Variants in PDE1A observed in about 807,000 individuals in gnomAD.
PDE1A encodes phosphodiesterase 1A, also known as dual specificity calcium/calmodulin-dependent 3',5'-cyclic nucleotide phosphodiesterase 1A.
Under a neutral mutation model 61.7 loss-of-function variants are expected in PDE1A, and 35 were observed. The observed-to-expected ratio is 0.57, with a 90% CI of 0.43 to 0.75. The LOEUF is 0.75. Among genes scored for constraint, PDE1A ranks in the 30% least tolerant of loss-of-function variants. The pLI, the probability that PDE1A is intolerant of heterozygous loss-of-function variation, is 0.00. For synonymous variants in PDE1A, 232 were observed against 213.2 expected, an observed-to-expected ratio of 1.09 and a Z score of -0.77; for missense variants, 597 against 630.6, an observed-to-expected ratio of 0.95 and a Z score of 0.57.
At chr2:182,347,912 GA>G (rs374096662) in intron 1 of PDE1A, among the ~76,000 whole-genome samples, 4 of 151,890 alleles carry the variant, frequency 2.6e-5, no homozygotes, top group African/African-American at 4.8e-5. Context: ...AAAAGTAAAA[GA>G]AAAAAATAGA....
chr2:182,294,264 A>G (rs571391227), intron 1 of PDE1A, among the ~76,000 whole-genome samples: 3 of 152,340 alleles, frequency 2.0e-5, no homozygotes, highest in African/African-American at 7.2e-5. Flanking sequence ...AACGTGATAA[A>G]TGTAAATTAA....
the PDE1A span, among the ~76,000 whole-genome samples, chr2:182,698,948 T>C: frequency 6.6e-6 from 1 of 152,208 alleles, no homozygotes; most frequent in African/African-American, 2.4e-5. Context: ...CTGAGACCTC[T>C]AGCTCCCAAG....
the PDE1A span, among the ~76,000 whole-genome samples, chr2:182,607,114 G>A: frequency 3.3e-5 from 5 of 152,178 alleles, no homozygotes; most frequent in Admixed American, 2.6e-4. Flanking sequence ...GAAGCAGGTG[G>A]TTAGTTAGGC....
chr2:182,376,094 G>C (rs1244065200), intron 1 of PDE1A, among the ~76,000 whole-genome samples: 1 of 152,190 alleles, frequency 6.6e-6, no homozygotes, highest in African/African-American at 2.4e-5. Flanking sequence ...AAAGATCTTT[G>C]ATGTGTCCTG....
chr2:182,278,070 C>A (rs999163594), intron 1 of PDE1A, among the ~76,000 whole-genome samples: 2 of 151,942 alleles, frequency 1.3e-5, no homozygotes, highest in African/African-American at 4.8e-5. Flanking sequence ...CTTGGAAGAT[C>A]AAAATTTCTT....
chr2:182,327,183 T>C (rs144868494), intron 1 of PDE1A, among the ~76,000 whole-genome samples: 73 of 152,270 alleles, frequency 4.8e-4, no homozygotes, highest in Non-Finnish European at 8.2e-4. Context: ...TGAGTAAATA[T>C]GTAATGTTAG....
At chr2:182,294,234 G>C (rs1462214968) in intron 1 of PDE1A, among the ~76,000 whole-genome samples, 1 of 152,174 alleles carries the variant, frequency 6.6e-6, no homozygotes, top group African/African-American at 2.4e-5. Context: ...TGAGGGGGGA[G>C]CTATTGTACA....
chr2:182,516,748 A>AAG (rs1690196714), intron 2 of PDE1A, among the ~76,000 whole-genome samples: 10 of 81,848 alleles, frequency 1.2e-4, no homozygotes, highest in Non-Finnish European at 1.4e-4. Context: ...AAGGAAAAAG[A>AAG]GAGAAAGAAA....
chr2:182,382,985 T>A (rs1274998832), intron 1 of PDE1A, among the ~76,000 whole-genome samples: 2 of 152,200 alleles, frequency 1.3e-5, no homozygotes, highest in African/African-American at 2.4e-5. Context: ...TTGACCAAGA[T>A]AATCATTAAC....
At chr2:182,651,585 C>G in the PDE1A span, among the ~76,000 whole-genome samples, 53 of 152,234 alleles carry the variant, frequency 3.5e-4, no homozygotes, top group Non-Finnish European at 3.2e-4. Context: ...CAAAGGAATT[C>G]TAATATCAGT....
chr2:182,146,913 G>T (rs1690525842), downstream of PDE1A: 1 of 419,456 alleles, frequency 2.4e-6, no homozygotes, highest in African/African-American at 2.0e-5. Flanking sequence ...TGTCTCAAAG[G>T]ATTGATGATA....
the PDE1A span, among the ~76,000 whole-genome samples, chr2:182,660,772 G>A: frequency 6.0e-3 from 920 of 152,274 alleles, 14 homozygotes; most frequent in African/African-American, 0.021. Context: ...CAACCTGAAC[G>A]AACTTGTAAA....
intron 1 of PDE1A, among the ~76,000 whole-genome samples, chr2:182,338,843 G>A (rs376057974): frequency 5.3e-5 from 8 of 152,080 alleles, no homozygotes; most frequent in African/African-American, 1.4e-4. Flanking sequence ...TAACCAGAAG[G>A]CAAGGGCTTG....
intron 13 of PDE1A, among the ~76,000 whole-genome samples, chr2:182,182,470 A>T (rs1161411866): frequency 6.6e-6 from 1 of 152,150 alleles, no homozygotes; most frequent in Non-Finnish European, 1.5e-5. Flanking sequence ...CTGGGTTATG[A>T]ACAACAGCCT....
At chr2:182,486,900 C>A (rs1427790347) in intron 2 of PDE1A, among the ~76,000 whole-genome samples, 2 of 152,028 alleles carry the variant, frequency 1.3e-5, no homozygotes, top group East Asian at 3.9e-4. Context: ...AAGCATAATC[C>A]ATAAGGGAAA....
At chr2:182,342,498 A>C (rs1698253559) in intron 1 of PDE1A, among the ~76,000 whole-genome samples, 1 of 152,196 alleles carries the variant, frequency 6.6e-6, no homozygotes, top group African/African-American at 2.4e-5. Context: ...CCTGGCTAAC[A>C]CGGTGAAACC....
chr2:182,229,771 T>C, intron 6 of PDE1A, among the ~76,000 whole-genome samples: 1 of 88,868 alleles, frequency 1.1e-5, no homozygotes, highest in African/African-American at 5.5e-5. Context: ...TAGTCCAAAT[T>C]TTGGGAAACT....
intron 1 of PDE1A, among the ~76,000 whole-genome samples, chr2:182,372,869 T>C (rs1158634472): frequency 6.6e-6 from 1 of 152,090 alleles, no homozygotes; most frequent in Non-Finnish European, 1.5e-5. Context: ...TTCCATTTCC[T>C]GTACAGAGGG....
chr2:182,445,122 A>T (rs1329267631), intron 2 of PDE1A, among the ~76,000 whole-genome samples: 1 of 152,166 alleles, frequency 6.6e-6, no homozygotes, highest in African/African-American at 2.4e-5. Context: ...AAAGTGATTG[A>T]TCATATTTTC....
Sources: allele counts gnomAD v4.1 joint callset (sites outside exome capture counted in the v4.1 genomes callset), GRCh38; gene constraint gnomAD v4.1.1; transcripts MANE v1.5; gene names NCBI Gene and HGNC (gene_info 2026-07-23, HGNC 2026-07-21).